Variants in PCDH15 observed in about 807,000 individuals in gnomAD.
The protein encoded by PCDH15 is protocadherin-15.
A neutral mutation model predicts 178.5 loss-of-function variants in PCDH15; 129 were observed. The ratio of observed to expected loss-of-function variants is 0.72; its 90% CI spans 0.63 to 0.84. The LOEUF (loss-of-function observed/expected upper bound fraction) is 0.84. Among genes scored for constraint, PCDH15 ranks in the 40% least tolerant of loss-of-function variants. PCDH15 has a pLI of 0.00. For missense variants in PCDH15, 2,230 were observed against 2,099.9 expected (o/e 1.06, Z -1.21); for synonymous variants, 800 against 732.0 (o/e 1.09, Z -1.50).
At chr10:55,007,565 G>A (rs1022154815) in intron 2 of PCDH15, among the ~76,000 whole-genome samples, 5 of 152,038 alleles carry the variant, frequency 3.3e-5, no homozygotes, top group Non-Finnish European at 5.9e-5. Context: ...AATATTTTAG[G>A]CATTTGGGTC....
chr10:53,816,259 G>C lies in PCDH15; in HGVS notation c.4471C>G (p.Pro1491Ala). The change falls in exon 35 of 38, where the codon CCC becomes GCC. Residue 1491 changes from proline (P) to alanine (A), a missense_variant. By Grantham distance (27) the Pro-to-Ala change is conservative (BLOSUM62 -1). Transcript: ENST00000644397. ...YGSEQQQLLR[P>A]SLLKPEELSM... ...GATACCTCTGGTTTAAGAAGAGAGGGCCTCAGCAGTTGCTGTTGCTGTCAA... is the reference window on the plus strand; with the variant it reads ...GATACCTCTGGTTTAAGAAGAGAGGCCCTCAGCAGTTGCTGTTGCTGTCAA... The C allele has an allele frequency of 2.5e-6, 1 of 398,780 alleles. No individual in the cohort carries two copies. Among genetic ancestry groups the C allele is most frequent in the Non-Finnish European group, 4.4e-6 (1 of 225,970 alleles). The allele number at this position is 398,780 out of a possible 1,614,324, so 24.7% of individuals were successfully genotyped here.
intron 26 of PCDH15, among the ~76,000 whole-genome samples, chr10:53,867,492 T>C (rs1033719964): frequency 2.0e-5 from 3 of 152,120 alleles, no homozygotes; most frequent in African/African-American, 7.2e-5. Flanking sequence ...ATGTACCCAA[T>C]AAGTAAGTAC....
At chr10:54,649,370 C>T (rs2094204074) in intron 2 of PCDH15, among the ~76,000 whole-genome samples, 2 of 151,702 alleles carry the variant, frequency 1.3e-5, no homozygotes, top group African/African-American at 4.8e-5. Context: ...TTAATATTTG[C>T]TTATAATGCT....
chr10:54,076,474 CTCTT>C (rs1211712206), intron 17 of PCDH15, among the ~76,000 whole-genome samples: 1 of 151,988 alleles, frequency 6.6e-6, no homozygotes, highest in Non-Finnish European at 1.5e-5. Flanking sequence ...TTCTCTCTCT[CTCTT>C]TTCTTTCTTT....
At chr10:55,243,565 T>C (rs1250259740) in intron 1 of PCDH15, among the ~76,000 whole-genome samples, 1 of 152,184 alleles carries the variant, frequency 6.6e-6, no homozygotes, top group Non-Finnish European at 1.5e-5. Context: ...GTTCTTACCC[T>C]ATCCTAAAAT....
At chr10:54,284,713 A>T (rs934632552) in intron 8 of PCDH15, among the ~76,000 whole-genome samples, 2 of 152,216 alleles carry the variant, frequency 1.3e-5, no homozygotes, top group Non-Finnish European at 2.9e-5. Flanking sequence ...TGAGAAGTTG[A>T]TGATGCAGTT....
intron 2 of PCDH15, among the ~76,000 whole-genome samples, chr10:55,484,612 G>C (rs1219663573): frequency 6.6e-6 from 1 of 151,668 alleles, no homozygotes; most frequent in African/African-American, 2.4e-5. Context: ...AAAGAACAAA[G>C]AGACAGCAAA....
chr10:54,401,652 A>G (rs1210908638), intron 3 of PCDH15, among the ~76,000 whole-genome samples: 2 of 151,954 alleles, frequency 1.3e-5, no homozygotes, highest in East Asian at 1.9e-4. Flanking sequence ...GGTATAATCT[A>G]TATTAATGGA....
At chr10:53,826,136 A>ATAAT (rs35042911) in intron 32 of PCDH15, among the ~76,000 whole-genome samples, 11,853 of 151,852 alleles carry the variant, frequency 0.078, 519 homozygotes, top group East Asian at 0.11. Context: ...ACATTCACCA[A>ATAAT]TAATTAATTA....
intron 20 of PCDH15, among the ~76,000 whole-genome samples, chr10:54,017,045 C>T (rs1272918900): frequency 3.3e-5 from 5 of 152,040 alleles, no homozygotes; most frequent in South Asian, 2.1e-4. Context: ...TTTTTTGAGA[C>T]GGAGTTTCAC....
chr10:55,497,243 C>T (rs1432483678), intron 2 of PCDH15, among the ~76,000 whole-genome samples: 1 of 151,814 alleles, frequency 6.6e-6, no homozygotes, highest in African/African-American at 2.4e-5. Context: ...GATTCTCCCA[C>T]CTCAGCCTCC....
In PCDH15 at chr10:53,803,859, C is replaced by A. The variant is rs1016415134; in HGVS notation, c.*2720G>T. The A allele has an allele frequency of 4.0e-5, 6 of 151,862 alleles. No homozygotes were observed. Among genetic ancestry groups the A allele is most frequent in the Admixed American group, 3.9e-4 (6 of 15,214 alleles). 9.4% of individuals were successfully genotyped at this position (151,862 alleles called of 1,614,324 possible). ...TTCTTCTGCCTGATTGAAGCTAGTG[C>A]TGATTGAGAACAACAAGAAAACCTT... On this transcript the variant is annotated 3_prime_UTR_variant, in exon 38 of 38. Transcript: ENST00000644397.
chr10:54,933,434 A>C (rs1837830366), intron 2 of PCDH15, among the ~76,000 whole-genome samples: 1 of 152,206 alleles, frequency 6.6e-6, no homozygotes, highest in African/African-American at 2.4e-5. Flanking sequence ...AAAATAGAAA[A>C]ACATGATTAT....
chr10:54,705,111 G>A (rs1020162742), intron 1 of PCDH15, among the ~76,000 whole-genome samples: 3 of 152,098 alleles, frequency 2.0e-5, no homozygotes, highest in African/African-American at 7.2e-5. Flanking sequence ...ATAAGTAGGA[G>A]CTAAACTTTG....
chr10:54,404,264 C>T (rs1032001838), intron 3 of PCDH15, among the ~76,000 whole-genome samples: 1 of 151,974 alleles, frequency 6.6e-6, no homozygotes, highest in Non-Finnish European at 1.5e-5. Flanking sequence ...TACCCAACTT[C>T]AAATTATACT....
intron 3 of PCDH15, among the ~76,000 whole-genome samples, chr10:54,481,932 T>G (rs1325480342): frequency 6.6e-6 from 1 of 151,796 alleles, no homozygotes; most frequent in Non-Finnish European, 1.5e-5. Flanking sequence ...CTCCATCAAG[T>G]AAAATTCAAT....
intron 2 of PCDH15, among the ~76,000 whole-genome samples, chr10:54,547,421 ATATT>A (rs1320235358): frequency 1.3e-5 from 2 of 152,138 alleles, no homozygotes; most frequent in South Asian, 2.1e-4. Context: ...AATAAAATGA[ATATT>A]TATGTCACCA....
At chr10:55,031,725 T>C (rs904016137) in intron 2 of PCDH15, among the ~76,000 whole-genome samples, 1 of 152,196 alleles carries the variant, frequency 6.6e-6, no homozygotes, top group African/African-American at 2.4e-5. Context: ...GCAGTTTGTC[T>C]TTTTTGCCAT....
intron 5 of PCDH15, among the ~76,000 whole-genome samples, chr10:54,349,147 C>T (rs528201493): frequency 2.0e-5 from 3 of 152,072 alleles, no homozygotes; most frequent in East Asian, 1.9e-4. Context: ...TAAACAGTAT[C>T]GTCTGTGGAA....
Sources: allele counts gnomAD v4.1 joint callset (sites outside exome capture counted in the v4.1 genomes callset), GRCh38; gene constraint gnomAD v4.1.1; transcripts MANE v1.5; gene names NCBI Gene and HGNC (gene_info 2026-07-23, HGNC 2026-07-21).